The following PDE4D variants were observed in gnomAD, a reference collection of about 807,000 sequenced individuals.
PDE4D encodes the protein 3',5'-cyclic-AMP phosphodiesterase 4D.
PDE4D carries 24 observed loss-of-function variants against 87.4 expected under a neutral mutation model. That is an observed-to-expected ratio of 0.27 (90% CI 0.20 to 0.39). PDE4D has a LOEUF of 0.39. PDE4D is among the 10% of genes least tolerant of loss of function. The pLI is 1.00. For missense variants in PDE4D, 714 were observed against 1,041.0 expected, an observed-to-expected ratio of 0.69 and a Z score of 4.32; for synonymous variants, 384 against 383.2, an observed-to-expected ratio of 1.00 and a Z score of -0.02.
chr5:59,233,296 T>G (rs1755653648), intron 1 of PDE4D, among the ~76,000 whole-genome samples: 1 of 152,202 alleles, frequency 6.6e-6, no homozygotes, highest in African/African-American at 2.4e-5. Context: ...GTACAAATAT[T>G]GTGAATTAAT....
At chr5:59,898,144 G>C (rs1279605497), upstream of PDE4D, among the ~76,000 whole-genome samples, 1 of 152,118 alleles carries the variant, frequency 6.6e-6, no homozygotes, top group South Asian at 2.1e-4. Context: ...GAATATCCTT[G>C]TCTTTGACTA....
intron 1 of PDE4D, among the ~76,000 whole-genome samples, chr5:60,305,286 G>C (rs1754388634): frequency 6.6e-6 from 1 of 152,054 alleles, no homozygotes; most frequent in Non-Finnish European, 1.5e-5. Context: ...AATGAAAAGG[G>C]AGAGAGAATT....
At chr5:59,323,658 G>T (rs1158469275) in intron 1 of PDE4D, among the ~76,000 whole-genome samples, 1 of 151,788 alleles carries the variant, frequency 6.6e-6, no homozygotes, top group Non-Finnish European at 1.5e-5. Flanking sequence ...CCTCTCTCCA[G>T]CCCCACTGAC....
intron 1 of PDE4D, among the ~76,000 whole-genome samples, chr5:60,447,097 C>T (rs1327184339): frequency 2.6e-5 from 4 of 152,042 alleles, no homozygotes; most frequent in African/African-American, 7.3e-5. Flanking sequence ...CACACCATAC[C>T]GTGGCCTCCA....
chr5:59,546,686 C>T (rs1334676854), intron 1 of PDE4D, among the ~76,000 whole-genome samples: 2 of 152,128 alleles, frequency 1.3e-5, no homozygotes, highest in South Asian at 2.1e-4. Context: ...ATGATTACAA[C>T]TTCAGAGAAC....
chr5:60,261,611 T>C (rs541493074), intron 1 of PDE4D, among the ~76,000 whole-genome samples: 18 of 152,270 alleles, frequency 1.2e-4, no homozygotes, highest in African/African-American at 4.3e-4. Context: ...TGATTACTTT[T>C]GCTCATAATG....
At chr5:59,936,403 T>C (rs10069878) in intron 3 of PDE4D, among the ~76,000 whole-genome samples, 95,974 of 152,052 alleles carry the variant, frequency 0.63, 33,436 homozygotes, top group East Asian at 0.89. Flanking sequence ...CATTCTAGAC[T>C]CCCTGATCAG....
intron 1 of PDE4D, among the ~76,000 whole-genome samples, chr5:59,709,995 G>A (rs564450031): frequency 6.6e-6 from 1 of 152,244 alleles, no homozygotes; most frequent in African/African-American, 2.4e-5. Flanking sequence ...GGTATTGAGA[G>A]CTTTGGGGAT....
chr5:59,198,114 GATGATGCA>G (rs755790855), intron 2 of PDE4D, among the ~76,000 whole-genome samples: 20 of 152,134 alleles, frequency 1.3e-4, no homozygotes, highest in Non-Finnish European at 2.8e-4. Context: ...TTTGGGTGAG[GATGATGCA>G]ATACTGTCTT....
chr5:60,099,282 A>AT (rs1459310649), intron 2 of PDE4D, among the ~76,000 whole-genome samples: 1 of 151,866 alleles, frequency 6.6e-6, no homozygotes, highest in African/African-American at 2.4e-5. Context: ...TAGGAAAAGT[A>AT]TTTTTTGCGT....
intron 5 of PDE4D, among the ~76,000 whole-genome samples, chr5:59,160,641 C>T (rs1024830079): frequency 5.3e-5 from 8 of 152,178 alleles, no homozygotes; most frequent in Admixed American, 2.0e-4. Flanking sequence ...ACCACGCCTG[C>T]CCCCCAAGGT....
chr5:60,050,314 T>C (rs1399409210), intron 2 of PDE4D, among the ~76,000 whole-genome samples: 1 of 152,104 alleles, frequency 6.6e-6, no homozygotes, highest in Non-Finnish European at 1.5e-5. Flanking sequence ...AATGCAGAAA[T>C]CACCCGTCTT....
chr5:59,050,508 G>A (rs551320763), intron 5 of PDE4D, among the ~76,000 whole-genome samples: 5 of 152,234 alleles, frequency 3.3e-5, no homozygotes, highest in South Asian at 2.1e-4. Context: ...AGAGTATATC[G>A]GTTATATTTG....
chr5:59,152,012 C>A (rs190347607), intron 5 of PDE4D, among the ~76,000 whole-genome samples: 62 of 152,158 alleles, frequency 4.1e-4, no homozygotes, highest in Middle Eastern at 6.8e-3. Context: ...AACAAATGAA[C>A]TGAGATAAAA....
chr5:59,257,353 C>G (rs1463449199), intron 1 of PDE4D, among the ~76,000 whole-genome samples: 1 of 151,964 alleles, frequency 6.6e-6, no homozygotes, highest in African/African-American at 2.4e-5. Context: ...AGCAGTCTTT[C>G]CAGTAAGAAT....
chr5:59,535,719 A>G (rs758954060), intron 1 of PDE4D, among the ~76,000 whole-genome samples: 12 of 152,234 alleles, frequency 7.9e-5, no homozygotes, highest in Non-Finnish European at 1.5e-4. Context: ...GCCACAACTT[A>G]TAATAAATAC....
intron 1 of PDE4D, among the ~76,000 whole-genome samples, chr5:59,857,355 C>T (rs1289251808): frequency 7.2e-5 from 11 of 152,188 alleles, no homozygotes; most frequent in African/African-American, 2.4e-4. Flanking sequence ...GGGTGATGGA[C>T]TAGCACCTTC....
At chr5:59,835,660 G>A (rs1741908436) in intron 1 of PDE4D, among the ~76,000 whole-genome samples, 1 of 152,004 alleles carries the variant, frequency 6.6e-6, no homozygotes, top group Admixed American at 6.6e-5. Flanking sequence ...AAATGTACTT[G>A]AAACAGAGCA....
At chr5:59,639,812 A>AGTGTGTGTGTGT (rs70975323) in intron 1 of PDE4D, among the ~76,000 whole-genome samples, 14 of 143,718 alleles carry the variant, frequency 9.7e-5, no homozygotes, top group African/African-American at 3.1e-4. Context: ...TAGTGTCTAT[A>AGTGTGTGTGTGT]GTGTGTGTGT....
Sources: allele counts gnomAD v4.1 joint callset (sites outside exome capture counted in the v4.1 genomes callset), GRCh38; gene constraint gnomAD v4.1.1; transcripts MANE v1.5; gene names NCBI Gene and HGNC (gene_info 2026-07-23, HGNC 2026-07-21).